Variants in RIMS1 observed in about 807,000 individuals in gnomAD.
RIMS1 encodes the protein regulating synaptic membrane exocytosis protein 1.
In RIMS1, 83 loss-of-function variants were observed where a neutral mutation model predicts 214.1. That is an observed-to-expected ratio of 0.39 (90% confidence interval 0.32 to 0.47). The LOEUF (loss-of-function observed/expected upper bound fraction) is 0.47, where lower values mean the gene tolerates loss of function less well. Ranked by LOEUF, RIMS1 falls within the 20% of genes least tolerant of loss-of-function variation. RIMS1 has a pLI of 0.99. For missense variants in RIMS1, 2,050 were observed against 2,161.8 expected (o/e 0.95, Z 1.03); for synonymous variants, 793 against 786.8 (o/e 1.01, Z -0.13).
intron 29 of RIMS1, among the ~76,000 whole-genome samples, chr6:72,380,647 T>G (rs1156433855): frequency 6.6e-6 from 1 of 152,212 alleles, no homozygotes; most frequent in Non-Finnish European, 1.5e-5. Context: ...ATCTTCCTGT[T>G]GTCAAGAGTT....
At chr6:72,091,556 G>GT (rs2153793927) in intron 2 of RIMS1, among the ~76,000 whole-genome samples, 1 of 152,184 alleles carries the variant, frequency 6.6e-6, no homozygotes, top group East Asian at 1.9e-4. Context: ...ATAATATTTA[G>GT]TTTTTTAGGC....
chr6:72,249,479 C>A (rs576595322), intron 12 of RIMS1, among the ~76,000 whole-genome samples: 5 of 152,194 alleles, frequency 3.3e-5, no homozygotes, highest in South Asian at 4.1e-4. Flanking sequence ...TGAAAAATAA[C>A]CTGTAATAGT....
chr6:72,074,878 A>G (rs1251604050), intron 2 of RIMS1, among the ~76,000 whole-genome samples: 2 of 152,210 alleles, frequency 1.3e-5, no homozygotes, highest in Non-Finnish European at 2.9e-5. Flanking sequence ...ATTCGTAGAC[A>G]TGAAGTCTAT....
chr6:72,125,548 G>C lies in RIMS1; in HGVS notation c.471+25562G>C, dbSNP rs148234793. On this transcript the variant is annotated intron_variant, in intron 4 of 33. Transcript: ENST00000521978. ...TCAGACAGGGACGTTTAAGTCTGCA[G>C]AAGTTTCTACTACCTTTTGTTCAGC... Among the ~76,000 whole-genome samples the C allele has an allele frequency of 5.9e-5, 9 of 152,366 alleles. No homozygotes were observed. The East Asian group carries it at 1.7e-3, about 29-fold the overall frequency.
chr6:71,926,544 A>C (rs1781613538), intron 1 of RIMS1, among the ~76,000 whole-genome samples: 1 of 152,174 alleles, frequency 6.6e-6, no homozygotes, highest in Non-Finnish European at 1.5e-5. Context: ...GTCCACATAG[A>C]TCTCTGCTCA....
At chr6:72,155,717 A>G (rs2044350744) in intron 4 of RIMS1, among the ~76,000 whole-genome samples, 1 of 140,596 alleles carries the variant, frequency 7.1e-6, no homozygotes, top group Non-Finnish European at 1.6e-5. Context: ...CTCATTCACT[A>G]TCACGAGAAC....
chr6:71,934,846 A>C (rs545987910), intron 1 of RIMS1, among the ~76,000 whole-genome samples: 1 of 152,316 alleles, frequency 6.6e-6, no homozygotes, highest in African/African-American at 2.4e-5. Flanking sequence ...TTTATTTATA[A>C]ATGCCCCTGA....
At position 72,333,870 on chromosome 6, in the gene RIMS1, T is replaced by G. The variant is rs1409613625; in HGVS notation, c.4366+35T>G. 17 of 1,432,036 alleles carry G rather than the reference T, an allele frequency of 1.2e-5. No homozygotes were observed. The Admixed American group carries it at 3.4e-4, about 28-fold the overall frequency. 88.7% of individuals were successfully genotyped at this position (1,432,036 alleles called of 1,614,324 possible). A position where few individuals can be genotyped will look rare whatever the true frequency, so the allele number is the denominator to read the frequency against. ...GTGAATTCAACCTAAACAACTCAATTCTTTTATGGAGAGAAAAACTTGATC... is the reference window on the plus strand; with the variant it reads ...GTGAATTCAACCTAAACAACTCAATGCTTTTATGGAGAGAAAAACTTGATC... On this transcript the variant is annotated intron_variant, in intron 29 of 33. Transcript: ENST00000521978.
chr6:72,219,015 C>T (rs572896079), intron 6 of RIMS1, among the ~76,000 whole-genome samples: 34 of 152,214 alleles, frequency 2.2e-4, no homozygotes, highest in African/African-American at 8.2e-4. Flanking sequence ...TGTGAATGTT[C>T]CTGGCAAGGA....
chr6:72,252,922 G>A (rs2074113894), intron 16 of RIMS1, 90 bp downstream of exon 16: 1 of 877,926 alleles, frequency 1.1e-6, no homozygotes, highest in African/African-American at 1.7e-5. Context: ...ATACTAAACT[G>A]AAGATTTATA....
At chr6:71,921,207 G>A (rs969364175) in intron 1 of RIMS1, among the ~76,000 whole-genome samples, 3 of 152,052 alleles carry the variant, frequency 2.0e-5, no homozygotes, top group African/African-American at 4.8e-5. Flanking sequence ...TGCAACCTCT[G>A]CCTCCCAGGT....
intron 4 of RIMS1, among the ~76,000 whole-genome samples, chr6:72,150,722 A>G (rs1031296897): frequency 6.6e-6 from 1 of 152,296 alleles, no homozygotes; most frequent in Non-Finnish European, 1.5e-5. Context: ...TTGTTTGTTC[A>G]TTACTATTCC....
At chr6:72,125,981 T>C (rs552891384) in intron 4 of RIMS1, among the ~76,000 whole-genome samples, 1 of 152,118 alleles carries the variant, frequency 6.6e-6, no homozygotes, top group Non-Finnish European at 1.5e-5. Flanking sequence ...TGGCTCACCC[T>C]CCGTGGGCTG....
At chr6:71,995,318 C>T (rs1803050220) in intron 2 of RIMS1, among the ~76,000 whole-genome samples, 1 of 152,142 alleles carries the variant, frequency 6.6e-6, no homozygotes, top group African/African-American at 2.4e-5. Context: ...TCATTTCTGC[C>T]TCAGACTATA....
chr6:71,914,665 A>G (rs1194244819), intron 1 of RIMS1, among the ~76,000 whole-genome samples: 1 of 152,162 alleles, frequency 6.6e-6, no homozygotes, highest in Non-Finnish European at 1.5e-5. Context: ...CTTATTCTAT[A>G]AAACCACCGA....
chr6:72,014,162 T>G (rs1811874604), intron 2 of RIMS1, among the ~76,000 whole-genome samples: 1 of 152,224 alleles, frequency 6.6e-6, no homozygotes, highest in Non-Finnish European at 1.5e-5. Flanking sequence ...GAAGCAAACA[T>G]GTCCTTCACA....
rs1012389578 is a variant in RIMS1 at position 72,100,096 on chromosome 6, A to G, written c.471+110A>G. On this transcript the variant is annotated intron_variant, in intron 4 of 33. Transcript: ENST00000521978. Reference sequence around the variant, plus strand: ...ATAACTATATTTCACAAGAAATTATATACTAGGAAGAGCTCATTTCCAGCT... The same window carrying G: ...ATAACTATATTTCACAAGAAATTATGTACTAGGAAGAGCTCATTTCCAGCT... 5.8e-6 allele frequency: 5 copies of G among 858,654 alleles called. No individual in the cohort carries two copies. The South Asian group carries it at 7.9e-5, about 14-fold the overall frequency. The allele number at this position is 858,654 out of a possible 1,614,324, so 53.2% of individuals were successfully genotyped here.
intron 2 of RIMS1, among the ~76,000 whole-genome samples, chr6:72,015,728 C>G (rs1402445777): frequency 6.6e-6 from 1 of 152,068 alleles, no homozygotes; most frequent in Non-Finnish European, 1.5e-5. Context: ...AGATCGAGAC[C>G]ATCCTGGCTA....
intron 1 of RIMS1, among the ~76,000 whole-genome samples, chr6:71,924,978 G>A (rs1040936779): frequency 6.6e-6 from 1 of 152,274 alleles, no homozygotes; most frequent in East Asian, 1.9e-4. Flanking sequence ...GGTAGGGACT[G>A]TGCAGTGCTG....
Sources: gnomAD v4.1 joint callset for allele counts (sites outside exome capture counted in the v4.1 genomes callset) on GRCh38, gnomAD v4.1.1 for gene constraint, MANE v1.5 for transcripts, NCBI Gene and HGNC (gene_info 2026-07-23, HGNC 2026-07-21) for gene names.